CMSS1: variants seen among roughly 807,000 people sequenced by gnomAD.
The protein encoded by CMSS1 is cms1 ribosomal small subunit homolog.
CMSS1 carries 33 observed loss-of-function variants against 43.5 expected under a neutral mutation model. The observed-to-expected ratio is 0.76, with a 90% CI of 0.57 to 1.01. The LOEUF (loss-of-function observed/expected upper bound fraction) is 1.01, where lower values mean the gene tolerates loss of function less well. CMSS1 is among the 50% of genes least tolerant of loss of function. The probability of loss-of-function intolerance (pLI) is 0.00; values close to 1 mark genes in which losing one functional copy is unlikely to be tolerated. For synonymous variants in CMSS1, 115 were observed against 117.2 expected, an observed-to-expected ratio of 0.98 and a Z score of 0.12; for missense variants, 313 against 326.4, an observed-to-expected ratio of 0.96 and a Z score of 0.32.
At chr3:99,948,127 G>A (rs1708064432) in intron 1 of CMSS1, among the ~76,000 whole-genome samples, 1 of 152,142 alleles carries the variant, frequency 6.6e-6, no homozygotes. Flanking sequence ...CAAAAAATAA[G>A]TAGTTAACAG....
intron 1 of CMSS1, among the ~76,000 whole-genome samples, chr3:100,004,228 TC>T: frequency 6.6e-6 from 1 of 152,198 alleles, no homozygotes; most frequent in East Asian, 1.9e-4. Flanking sequence ...AAATGCAGCT[TC>T]CGTAGGATGA....
In CMSS1 at chr3:99,830,680, A is replaced by G. The variant is rs986904620; in HGVS notation, c.64+12637A>G. On this transcript the variant is annotated intron_variant, in intron 1 of 9. Transcript: ENST00000421999. ...GAAGTAGAAATTGTTTAGGACATGG[A>G]GTCAGTTTGGAGGATTTGGCTTTGA... 4 of 433,196 alleles carry G rather than the reference A, an allele frequency of 9.2e-6. No homozygotes were observed. The Admixed American group carries it at 9.7e-5, about 10-fold the overall frequency. 26.8% of individuals were successfully genotyped at this position (433,196 alleles called of 1,614,324 possible).
rs376468835 is a variant in CMSS1, at chr3:100,126,189, G to C, written c.65-20784G>C. 5.3e-5 allele frequency among the ~76,000 whole-genome samples: 8 copies of C among 152,210 alleles called. No individual in the cohort carries two copies. The East Asian group carries it at 1.2e-3, about 22-fold the overall frequency. On this transcript the variant is annotated intron_variant, in intron 1 of 9. Transcript: ENST00000421999. ...TCTCACCTGCTTTGACTTTCGTAAT[G>C]GAATTTGCTACATGAGTTCAGAGAG...
intron 1 of CMSS1, among the ~76,000 whole-genome samples, chr3:100,139,890 CAGTGTATAA>C: frequency 6.6e-6 from 1 of 151,102 alleles, no homozygotes; most frequent in South Asian, 2.1e-4. Context: ...CTGCCTAGGG[CAGTGTATAA>C]ATTAGAACAG....
At chr3:99,913,057 C>T (rs1012673721) in intron 1 of CMSS1, among the ~76,000 whole-genome samples, 1 of 152,144 alleles carries the variant, frequency 6.6e-6, no homozygotes, top group Admixed American at 6.5e-5. Context: ...AACTTTCTCA[C>T]CCACTTTCCA....
chr3:100,171,961 A>G, intron 7 of CMSS1, 62 bp downstream of exon 7: 1 of 1,215,600 alleles, frequency 8.2e-7, no homozygotes, highest in East Asian at 2.3e-5. Flanking sequence ...TTTCCTTTCA[A>G]CCTCTTCTCC....
intron 1 of CMSS1, among the ~76,000 whole-genome samples, chr3:99,921,952 C>T (rs1052156470): frequency 6.6e-6 from 1 of 152,186 alleles, no homozygotes; most frequent in Admixed American, 6.5e-5. Context: ...TGCCTCCCAA[C>T]ATTCCAGTAT....
chr3:99,856,730 A>G (rs1943984104), intron 1 of CMSS1, among the ~76,000 whole-genome samples: 1 of 152,176 alleles, frequency 6.6e-6, no homozygotes, highest in Non-Finnish European at 1.5e-5. Flanking sequence ...CTGGTTCTTC[A>G]TTACAAATGA....
chr3:99,911,488 T>C (rs1421242541), intron 1 of CMSS1, among the ~76,000 whole-genome samples: 7 of 152,068 alleles, frequency 4.6e-5, no homozygotes, highest in Middle Eastern at 3.2e-3. Context: ...GAATGTCTCA[T>C]GGTCTCAGGA....
intron 1 of CMSS1, among the ~76,000 whole-genome samples, chr3:100,074,815 T>C (rs2107384785): frequency 6.6e-6 from 1 of 150,404 alleles, no homozygotes; most frequent in African/African-American, 2.4e-5. Flanking sequence ...TACCTCAGCT[T>C]CCAGAGTAGC....
At chr3:100,001,091 T>C (rs1709829359) in intron 1 of CMSS1, among the ~76,000 whole-genome samples, 1 of 152,218 alleles carries the variant, frequency 6.6e-6, no homozygotes, top group African/African-American at 2.4e-5. Flanking sequence ...TACTTATTAA[T>C]GCAGTTATTT....
At chr3:100,065,983 A>G (rs2065656801) in intron 1 of CMSS1, among the ~76,000 whole-genome samples, 1 of 152,224 alleles carries the variant, frequency 6.6e-6, no homozygotes, top group African/African-American at 2.4e-5. Context: ...AACTCTGGGA[A>G]TGCGACCCAG....
chr3:100,007,787 T>C lies in CMSS1; in HGVS notation c.65-139186T>C, dbSNP rs142331879. On this transcript the variant is annotated intron_variant, in intron 1 of 9. Coordinates refer to ENST00000421999, the MANE Select transcript of CMSS1 (RefSeq NM_032359.4). The stretch of plus-strand genomic sequence containing the variant: ...ATATAGTACTGATAGAAAAAATATA[T>C]TAGTTATCTAGTGGTAACAGGGAAT... Among the ~76,000 whole-genome samples the C allele has an allele frequency of 2.5e-3, 383 of 152,258 alleles. 4 individuals carry two copies. The highest frequency in any genetic ancestry group is 8.8e-3 in the African/African-American group (366 of 41,546).
intron 1 of CMSS1, among the ~76,000 whole-genome samples, chr3:100,024,772 C>G (rs1210433304): frequency 1.3e-5 from 2 of 152,148 alleles, no homozygotes; most frequent in Non-Finnish European, 2.9e-5. Flanking sequence ...GTTACGGAGG[C>G]TTCTGAATCT....
At chr3:99,825,388 C>T (rs1276077131) in intron 1 of CMSS1, among the ~76,000 whole-genome samples, 7 of 152,104 alleles carry the variant, frequency 4.6e-5, no homozygotes, top group African/African-American at 1.4e-4. Flanking sequence ...ATTTAAAAAG[C>T]AAGGGGAAGG....
intron 1 of CMSS1, among the ~76,000 whole-genome samples, chr3:100,134,531 A>C (rs1409311988): frequency 6.6e-6 from 1 of 152,212 alleles, no homozygotes; most frequent in Admixed American, 6.5e-5. Flanking sequence ...ATCCATATTA[A>C]TATATTAAAG....
chr3:99,838,573 T>C (rs895053339), intron 1 of CMSS1, among the ~76,000 whole-genome samples: 3 of 152,112 alleles, frequency 2.0e-5, no homozygotes, highest in African/African-American at 7.2e-5. Context: ...CATTAGACAA[T>C]CTGTCTGTCA....
chr3:100,123,090 G>T (rs2066634861), intron 1 of CMSS1, among the ~76,000 whole-genome samples: 1 of 152,126 alleles, frequency 6.6e-6, no homozygotes, highest in Non-Finnish European at 1.5e-5. Context: ...TAAAAACAAG[G>T]TAACAAATCA....
chr3:99,917,529 G>A (rs1475802864), intron 1 of CMSS1, among the ~76,000 whole-genome samples: 1 of 152,052 alleles, frequency 6.6e-6, no homozygotes, highest in Admixed American at 6.6e-5. Context: ...GGGCTTGAGA[G>A]GCCTCACTTT....
Sources: gnomAD v4.1 joint callset for allele counts (sites outside exome capture counted in the v4.1 genomes callset) on GRCh38, gnomAD v4.1.1 for gene constraint, MANE v1.5 for transcripts, NCBI Gene and HGNC (gene_info 2026-07-23, HGNC 2026-07-21) for gene names.